INPP4A: variants seen among roughly 807,000 people sequenced by gnomAD.
INPP4A encodes inositol polyphosphate-4-phosphatase type I A, also known as inositol polyphosphate-4-phosphatase, type I, 107kD.
Under a neutral mutation model 119.8 loss-of-function variants are expected in INPP4A, and 33 were observed. The ratio of observed to expected loss-of-function variants is 0.28; its 90% CI spans 0.21 to 0.37. INPP4A has a LOEUF of 0.37. INPP4A is among the 10% of genes least tolerant of loss of function. The probability of loss-of-function intolerance (pLI) is 1.00; values close to 1 mark genes in which losing one functional copy is unlikely to be tolerated. For synonymous variants in INPP4A, 496 were observed against 500.7 expected (o/e 0.99, Z 0.12); for missense variants, 956 against 1,289.9 (o/e 0.74, Z 3.97).
chr2:98,471,438 A>G (rs1403662312), intron 1 of INPP4A, among the ~76,000 whole-genome samples: 2 of 152,216 alleles, frequency 1.3e-5, no homozygotes, highest in African/African-American at 4.8e-5. Flanking sequence ...TTTTTAACTT[A>G]CACTTAAGGT....
rs140549596 is a variant in INPP4A at position 98,583,009 on chromosome 2, C to T, written c.2787-4467C>T. ...CCAGACACAGATCACCTACTGCATA[C>T]GCCAGACACAGAAAGATCACCTACT... On this transcript the variant is annotated intron_variant, in intron 24 of 24. Coordinates refer to ENST00000409851, the MANE Select transcript of INPP4A (RefSeq NM_001134225.2). Among the ~76,000 whole-genome samples the T allele has an allele frequency of 6.4e-3, 970 of 151,494 alleles. 18 individuals carry two copies. Among genetic ancestry groups the T allele is most frequent in the African/African-American group, 0.022 (908 of 41,154 alleles).
Position 98,494,085 on chromosome 2 carries a change from C to G in INPP4A, c.-165-24879C>G, listed in dbSNP as rs536308196. Among the ~76,000 whole-genome samples the G allele has an allele frequency of 9.8e-5, 15 of 152,322 alleles. No homozygotes were observed. The South Asian group carries it at 3.1e-3, about 32-fold the overall frequency. On this transcript the variant is annotated intron_variant, in intron 1 of 24. Coordinates refer to ENST00000409851, the MANE Select transcript of INPP4A (RefSeq NM_001134225.2). ...TGTGGCACTTGAGCCAGAACCTGCTCCTTCCTTCTCTTTTCCCATCCGCTG... is the reference window on the plus strand; with the variant it reads ...TGTGGCACTTGAGCCAGAACCTGCTGCTTCCTTCTCTTTTCCCATCCGCTG...
At chr2:98,526,088 A>G (rs768972990) in intron 4 of INPP4A, among the ~76,000 whole-genome samples, 23 of 152,262 alleles carry the variant, frequency 1.5e-4, no homozygotes, top group Non-Finnish European at 8.8e-5. Flanking sequence ...AAATTGTACA[A>G]TGGAATATGA....
chr2:98,552,629 A>G (rs1284881768), intron 13 of INPP4A, 157 bp from the exon 14 acceptor site: 1 of 751,212 alleles, frequency 1.3e-6, no homozygotes, highest in Non-Finnish European at 2.5e-6. Context: ...ATCTCCTAAG[A>G]TATACTTTGC....
At chr2:98,485,545 C>T (rs1016226252) in intron 1 of INPP4A, among the ~76,000 whole-genome samples, 4 of 152,116 alleles carry the variant, frequency 2.6e-5, no homozygotes, top group East Asian at 1.9e-4. Context: ...TAGGGCTGGG[C>T]GCAGGTGTCT....
Position 98,564,680 on chromosome 2 carries a change from A to G in INPP4A, c.2069A>G (p.Asn690Ser), listed in dbSNP as rs778676608. ...LICGFIIKLR[N>S]CLHDDGFLRQ... is the part of the protein sequence containing the mutation. ...TGCGGCTTCATCATTAAGCTGAGGA[A>G]CTGCCTGCATGACGACGGCTTCCTG... Residue 690 changes from asparagine to serine, a missense_variant, in exon 19 of 25, where the codon AAC becomes AGC. This residue lies in a region of INPP4A where 304 missense variants were observed against 492.1 expected (regional missense o/e 0.62). Coordinates refer to ENST00000409851, the MANE Select transcript of INPP4A (RefSeq NM_001134225.2). The G allele has an allele frequency of 3.7e-6, 6 of 1,612,764 alleles. No individual in the cohort carries two copies. The African/African-American group carries it at 6.7e-5, about 18-fold the overall frequency.
rs1694364680 is a variant in INPP4A at position 98,555,808 on chromosome 2, C to T, written c.1822C>T (p.His608Tyr). ...STACHPHLTT[H>Y]CSPPPEESSP... ...TGCATGCCATCCTCATCTGACCACA[C>T]GTGCGTATGCATCCATGCTTCCCAT... The change falls in exon 16 of 25, where the codon CAT becomes TAT. Residue 608 changes from histidine to tyrosine, a missense_variant and splice_region_variant. This residue lies in a region of INPP4A where 652 missense variants were observed against 797.9 expected (regional missense o/e 0.82). Coordinates refer to ENST00000409851, the MANE Select transcript of INPP4A (RefSeq NM_001134225.2). 7 of 1,551,868 alleles carry T rather than the reference C, an allele frequency of 4.5e-6. No individual in the cohort carries two copies. Among genetic ancestry groups the T allele is most frequent in the East Asian group, 2.4e-5 (1 of 41,130 alleles).
chr2:98,583,282 A>G (rs1464467724), intron 24 of INPP4A, among the ~76,000 whole-genome samples: 1 of 152,108 alleles, frequency 6.6e-6, no homozygotes, highest in Non-Finnish European at 1.5e-5. Context: ...CTCTCTTACT[A>G]ATCAAATATG....
chr2:98,589,354 A>G lies in INPP4A; in HGVS notation c.*1746A>G, dbSNP rs1700219439. The G allele has an allele frequency of 5.4e-6, 1 of 184,518 alleles. No homozygotes were observed. The highest frequency in any genetic ancestry group is 8.8e-5 in the East Asian group (1 of 11,326). 11.4% of individuals were successfully genotyped at this position (184,518 alleles called of 1,614,324 possible). On this transcript the variant is annotated 3_prime_UTR_variant, in exon 25 of 25. Transcript: ENST00000409851. ...TACCCTTTCACCTCTCCACCATCTCATTTAATTTGTAAATTTTTAGTTCTG... is the reference window on the plus strand; with the variant it reads ...TACCCTTTCACCTCTCCACCATCTCGTTTAATTTGTAAATTTTTAGTTCTG...
chr2:98,465,517 C>T (rs1674555057), intron 1 of INPP4A, among the ~76,000 whole-genome samples: 1 of 152,182 alleles, frequency 6.6e-6, no homozygotes, highest in South Asian at 2.1e-4. Context: ...AGGATTTGAA[C>T]GTGAACCTCT....
At chr2:98,534,461 T>G (rs1482823398) in intron 5 of INPP4A, among the ~76,000 whole-genome samples, 5 of 152,224 alleles carry the variant, frequency 3.3e-5, no homozygotes, top group Non-Finnish European at 7.3e-5. Flanking sequence ...CATGAAATTC[T>G]ACTTCAGTAT....
chr2:98,474,455 G>C (rs755383317), intron 1 of INPP4A, among the ~76,000 whole-genome samples: 1 of 152,220 alleles, frequency 6.6e-6, no homozygotes, highest in Non-Finnish European at 1.5e-5. Context: ...CCTGTGCTAC[G>C]AAGAGCCCTG....
In INPP4A at chr2:98,555,761, G is replaced by C; in HGVS notation, c.1775G>C (p.Cys592Ser). ...DPFCDVPSSP[C>S]PSTMPSTACH... ...TTCTGTGATGTCCCCTCCTCACCAT[G>C]CCCCTCCACCATGCCCTCCACTGCA... The change falls in exon 16 of 25, where the codon TGC (cysteine) becomes TCC (serine). Residue 592 changes from cysteine to serine, a missense_variant. Coordinates refer to ENST00000409851, the MANE Select transcript of INPP4A (RefSeq NM_001134225.2). 6.3e-7 allele frequency: 1 copy of C among 1,585,786 alleles called. No individual in the cohort carries two copies. The highest frequency in any genetic ancestry group is 8.6e-7 in the Non-Finnish European group (1 of 1,165,502).
At chr2:98,446,760 T>C (rs895927153) in intron 1 of INPP4A, among the ~76,000 whole-genome samples, 1 of 152,146 alleles carries the variant, frequency 6.6e-6, no homozygotes, top group Non-Finnish European at 1.5e-5. Flanking sequence ...GTTTCCCAAC[T>C]AGATTCAGAA....
At chr2:98,446,666 C>G (rs558142135) in intron 1 of INPP4A, among the ~76,000 whole-genome samples, 1 of 152,252 alleles carries the variant, frequency 6.6e-6, no homozygotes, top group South Asian at 2.1e-4. Context: ...AGTCTGCTTA[C>G]CTGGCCACCT....
intron 1 of INPP4A, among the ~76,000 whole-genome samples, chr2:98,496,777 C>G (rs1046035537): frequency 1.3e-5 from 2 of 152,178 alleles, no homozygotes; most frequent in Non-Finnish European, 2.9e-5. Flanking sequence ...CTCAACATCA[C>G]TAATCATCAG....
At chr2:98,453,252 A>G (rs1695536620) in intron 1 of INPP4A, among the ~76,000 whole-genome samples, 2 of 152,234 alleles carry the variant, frequency 1.3e-5, no homozygotes, top group Admixed American at 6.5e-5. Flanking sequence ...CTCTAACCAC[A>G]TTAGCACTAA....
At chr2:98,567,838 A>G (rs1430685656) in intron 21 of INPP4A, among the ~76,000 whole-genome samples, 1 of 152,112 alleles carries the variant, frequency 6.6e-6, no homozygotes, top group Non-Finnish European at 1.5e-5. Context: ...CCAGGGGTGG[A>G]TGGGCTGGGA....
At chr2:98,530,198 T>TG (rs1264044647) in intron 4 of INPP4A, among the ~76,000 whole-genome samples, 14 of 135,956 alleles carry the variant, frequency 1.0e-4, no homozygotes, top group Admixed American at 1.0e-3. Context: ...CTAGAAAAAG[T>TG]GAAAAAAAAA....
Sources: allele counts gnomAD v4.1 joint callset (sites outside exome capture counted in the v4.1 genomes callset), GRCh38; gene constraint gnomAD v4.1.1; regional missense constraint gnomAD v4.1.1; transcripts MANE v1.5; gene names NCBI Gene and HGNC (gene_info 2026-07-23, HGNC 2026-07-21).